The following TMEM163 variants were observed in gnomAD, a reference collection of about 807,000 sequenced individuals.
The protein encoded by TMEM163 is transmembrane protein 163.
A neutral mutation model predicts 29.3 loss-of-function variants in TMEM163; 17 were observed. The observed-to-expected ratio is 0.58, with a 90% CI of 0.40 to 0.87. TMEM163 has a LOEUF of 0.87. Ranked by LOEUF, TMEM163 falls within the 40% of genes least tolerant of loss-of-function variation. The probability of loss-of-function intolerance (pLI) is 0.00; values close to 1 mark genes in which losing one functional copy is unlikely to be tolerated. For synonymous variants in TMEM163, 157 were observed against 160.6 expected, an observed-to-expected ratio of 0.98 and a Z score of 0.17; for missense variants, 303 against 381.5, an observed-to-expected ratio of 0.79 and a Z score of 1.71.
intron 5 of TMEM163, among the ~76,000 whole-genome samples, chr2:134,488,379 A>G (rs1404252963): frequency 1.3e-5 from 2 of 152,198 alleles, no homozygotes; most frequent in African/African-American, 4.8e-5. Flanking sequence ...AAGAATGTGG[A>G]AGGAGTGAAC....
rs111273287 is a variant in TMEM163, at chr2:134,674,601, G to A, written c.322+38599C>T. Among the ~76,000 whole-genome samples the A allele has an allele frequency of 3.0e-3, 462 of 151,490 alleles. 5 individuals carry two copies. Among genetic ancestry groups the A allele is most frequent in the African/African-American group, 0.011 (436 of 41,308 alleles). On this transcript the variant is annotated intron_variant, in intron 2 of 7. Coordinates refer to ENST00000281924, the MANE Select transcript of TMEM163 (RefSeq NM_030923.5). ...TCTCAATCTCCTGACTTCGTGATCC[G>A]CCCCCGTCGGCCTCCCAAAGTGCTG...
chr2:134,494,895 A>T (rs1309349756), intron 5 of TMEM163, among the ~76,000 whole-genome samples: 1 of 152,184 alleles, frequency 6.6e-6, no homozygotes, highest in African/African-American at 2.4e-5. Flanking sequence ...TGGGTGAGGC[A>T]CTTGCTTCAG....
At chr2:134,461,700 C>G (rs1489906484) in intron 6 of TMEM163, among the ~76,000 whole-genome samples, 1 of 152,222 alleles carries the variant, frequency 6.6e-6, no homozygotes. Context: ...CCCTGCTGTC[C>G]CTTTCCCTGA....
At chr2:134,536,362 G>A (rs1345642698) in intron 4 of TMEM163, among the ~76,000 whole-genome samples, 1 of 152,190 alleles carries the variant, frequency 6.6e-6, no homozygotes, top group Non-Finnish European at 1.5e-5. Flanking sequence ...CACCCCGGTG[G>A]CAGTGACTGA....
intron 2 of TMEM163, among the ~76,000 whole-genome samples, chr2:134,709,990 A>T (rs1376562193): frequency 6.6e-6 from 1 of 152,178 alleles, no homozygotes; most frequent in Non-Finnish European, 1.5e-5. Flanking sequence ...ACCAATTGCC[A>T]ATCAGAACAT....
intron 2 of TMEM163, among the ~76,000 whole-genome samples, chr2:134,676,385 T>G (rs1684115509): frequency 6.6e-6 from 1 of 152,200 alleles, no homozygotes; most frequent in Non-Finnish European, 1.5e-5. Context: ...ACATGTCTGT[T>G]CTCTCTTTAA....
chr2:134,659,483 C>G (rs191623724), intron 2 of TMEM163, among the ~76,000 whole-genome samples: 139 of 152,280 alleles, frequency 9.1e-4, no homozygotes, highest in African/African-American at 3.2e-3. Context: ...CAGGTCCCCT[C>G]ATGAGCAAGT....
At chr2:134,577,039 C>G (rs1224097965) in intron 2 of TMEM163, among the ~76,000 whole-genome samples, 1 of 152,158 alleles carries the variant, frequency 6.6e-6, no homozygotes, top group Non-Finnish European at 1.5e-5. Context: ...CTATCTTATT[C>G]CTATCTGTGA....
intron 5 of TMEM163, among the ~76,000 whole-genome samples, chr2:134,470,448 G>GT (rs139813018): frequency 0.021 from 3,271 of 152,150 alleles, 120 homozygotes; most frequent in African/African-American, 0.074. Flanking sequence ...GGGAAGCTAA[G>GT]TTTTTTAATG....
At chr2:134,488,148 A>G (rs1231456066) in intron 5 of TMEM163, among the ~76,000 whole-genome samples, 3 of 152,252 alleles carry the variant, frequency 2.0e-5, no homozygotes, top group African/African-American at 4.8e-5. Context: ...GATGGTTAAT[A>G]TTGAGTGCCA....
intron 5 of TMEM163, among the ~76,000 whole-genome samples, chr2:134,499,380 C>A (rs1679652008): frequency 1.3e-5 from 2 of 152,232 alleles, no homozygotes; most frequent in Admixed American, 6.5e-5. Flanking sequence ...GCTTCCAGAA[C>A]TGCAGTTTCA....
rs1172079491 is a variant in TMEM163 at position 134,705,184 on chromosome 2, TG to T, written c.322+8015del. On this transcript the variant is annotated intron_variant, in intron 2 of 7. Coordinates refer to ENST00000281924, the MANE Select transcript of TMEM163 (RefSeq NM_030923.5). ...GTGATCGCACCACTGCACTCCAGCCTGGGCGACAGAGCAAGACTCCATCTCA... is the reference window on the plus strand; with the variant it reads ...GTGATCGCACCACTGCACTCCAGCCTGGCGACAGAGCAAGACTCCATCTCA... Among the ~76,000 whole-genome samples the T allele has an allele frequency of 6.7e-5, 10 of 150,228 alleles. No individual in the cohort carries two copies. In the Admixed American group the frequency reaches 6.7e-4, roughly 10 times the overall value.
At chr2:134,610,184 GACCCTCATCCCCTAAGTGAAGGCAGA>G (rs1682470459) in intron 2 of TMEM163, among the ~76,000 whole-genome samples, 1 of 152,228 alleles carries the variant, frequency 6.6e-6, no homozygotes, top group Non-Finnish European at 1.5e-5. Flanking sequence ...TGACCGGATG[GACCCTCATCCCCTAAGTGAAGGCAGA>G]ACCAGTCCTC....
chr2:134,689,525 C>T (rs928831148), intron 2 of TMEM163, among the ~76,000 whole-genome samples: 1 of 152,170 alleles, frequency 6.6e-6, no homozygotes, highest in East Asian at 1.9e-4. Context: ...ACTGTGACAT[C>T]CTCTCCAACT....
chr2:134,516,914 A>G (rs148466028), intron 4 of TMEM163, among the ~76,000 whole-genome samples: 142 of 152,100 alleles, frequency 9.3e-4, no homozygotes, highest in African/African-American at 3.0e-3. Context: ...ACCCCAAATT[A>G]GAGAACAGAG....
chr2:134,632,706 T>C (rs1337656453), intron 2 of TMEM163, among the ~76,000 whole-genome samples: 1 of 151,416 alleles, frequency 6.6e-6, no homozygotes, highest in Admixed American at 6.6e-5. Flanking sequence ...TGGCAAAGCC[T>C]CATGTCTTTA....
At chr2:134,711,829 T>C (rs1684933329) in intron 2 of TMEM163, among the ~76,000 whole-genome samples, 1 of 152,228 alleles carries the variant, frequency 6.6e-6, no homozygotes, top group African/African-American at 2.4e-5. Context: ...AAAACAGCTT[T>C]ATCAGGCACA....
intron 2 of TMEM163, among the ~76,000 whole-genome samples, chr2:134,595,121 T>TA (rs1480476449): frequency 1.3e-5 from 2 of 151,748 alleles, no homozygotes; most frequent in Non-Finnish European, 2.9e-5. Context: ...TATATATATA[T>TA]TTTTTATTAC....
intron 2 of TMEM163, among the ~76,000 whole-genome samples, chr2:134,619,584 A>C (rs768596779): frequency 1.3e-5 from 2 of 152,204 alleles, no homozygotes; most frequent in Admixed American, 6.5e-5. Context: ...CTTTGTAAAG[A>C]GCATCTATGA....
Sources: gnomAD v4.1 joint callset for allele counts (sites outside exome capture counted in the v4.1 genomes callset) on GRCh38, gnomAD v4.1.1 for gene constraint, MANE v1.5 for transcripts, NCBI Gene and HGNC (gene_info 2026-07-23, HGNC 2026-07-21) for gene names.